Variants in SET observed in about 807,000 individuals in gnomAD.
The protein encoded by SET is protein SET.
In SET, 4 loss-of-function variants were observed where a neutral mutation model predicts 39.0. That is an observed-to-expected ratio of 0.10 (90% CI 0.05 to 0.23). The LOEUF (loss-of-function observed/expected upper bound fraction) is 0.23. Ranked by LOEUF, SET falls within the 10% of genes least tolerant of loss-of-function variation. The pLI is 1.00. For synonymous variants in SET, 114 were observed against 115.9 expected (o/e 0.98, Z 0.11); for missense variants, 137 against 329.7 (o/e 0.42, Z 4.53).
intron 1 of SET, chr9:128,684,038 T>G: frequency 6.7e-7 from 1 of 1,483,850 alleles, no homozygotes; most frequent in Non-Finnish European, 9.2e-7. Flanking sequence ...TTATTGGAGA[T>G]TTAAGGGATT....
At chr9:128,685,613 T>C (rs138121200), upstream of SET, among the ~76,000 whole-genome samples, 86 of 152,318 alleles carry the variant, frequency 5.6e-4, no homozygotes, top group East Asian at 0.014. Context: ...TATGTGTCTG[T>C]GGCGGGGGAG....
upstream of SET, among the ~76,000 whole-genome samples, chr9:128,688,683 G>T (rs1861372571): frequency 6.6e-6 from 1 of 152,202 alleles, no homozygotes; most frequent in African/African-American, 2.4e-5. Flanking sequence ...TAAAACCCAG[G>T]AATGGCCCTG....
chr9:128,689,522 G>A lies in SET; in HGVS notation c.-61G>A. On this transcript the variant is annotated 5_prime_UTR_variant, in exon 1 of 8. Coordinates refer to ENST00000322030, the MANE Select transcript of SET (RefSeq NM_003011.4). The stretch of plus-strand genomic sequence containing the variant: ...TGGCGTGAGGGGAAGCCGCTTGCCC[G>A]CCCCCTTCGCCTTCCCTTCTCTCCC... The A allele has an allele frequency of 9.9e-6, 8 of 809,550 alleles. No homozygotes were observed. The highest frequency in any genetic ancestry group is 5.0e-5 in the South Asian group (2 of 40,168). 50.1% of individuals were successfully genotyped at this position (809,550 alleles called of 1,614,324 possible). A position where few individuals can be genotyped will look rare whatever the true frequency, so the allele number is the denominator to read the frequency against.
At position 128,691,811 on chromosome 9, in the gene SET, A is replaced by T. The variant is rs751320340; in HGVS notation, c.132-47A>T. ...CTCTGTAATCTCAACCAATTTTTTAATTTGTTAAATACTATCATTGTCAAC... is the reference window on the plus strand; with the variant it reads ...CTCTGTAATCTCAACCAATTTTTTATTTTGTTAAATACTATCATTGTCAAC... On this transcript the variant is annotated intron_variant, in intron 2 of 7. Coordinates refer to ENST00000322030, the MANE Select transcript of SET (RefSeq NM_003011.4). The T allele has an allele frequency of 1.9e-5, 29 of 1,551,528 alleles. 1 individual carries two copies. In the Admixed American group the frequency reaches 2.4e-4, roughly 13 times the overall value.
At chr9:128,685,917 C>T (rs1219544666), upstream of SET, among the ~76,000 whole-genome samples, 1 of 152,024 alleles carries the variant, frequency 6.6e-6, no homozygotes, top group Non-Finnish European at 1.5e-5. Flanking sequence ...ATCCCAGCTA[C>T]TTGGGGGGCT....
intron 7 of SET, 70 bp from the exon 8 acceptor site, chr9:128,694,571 C>A: frequency 1.9e-6 from 2 of 1,040,732 alleles, no homozygotes; most frequent in Non-Finnish European, 2.9e-6. Context: ...CTCGTGGGGT[C>A]CATTGTGGTC....
chr9:128,691,293 C>A lies in SET; in HGVS notation c.131+66C>A, dbSNP rs1398183750. On this transcript the variant is annotated intron_variant, in intron 2 of 7. Transcript: ENST00000322030. ...ATGTGTCTAATAGCCCGGTAATTAT[C>A]GAAGCTATGGTCAAATCTATCCACT... The A allele has an allele frequency of 3.0e-6, 3 of 997,850 alleles. No homozygotes were observed. The South Asian group carries it at 4.1e-5, about 14-fold the overall frequency. The allele number at this position is 997,850 out of a possible 1,614,324, so 61.8% of individuals were successfully genotyped here.
chr9:128,694,156 A>G, intron 7 of SET, 114 bp downstream of exon 7: 1 of 965,684 alleles, frequency 1.0e-6, no homozygotes, highest in Non-Finnish European at 1.4e-6. Context: ...GATTGTGGAA[A>G]AAAAGTAAGC....
In SET at chr9:128,695,930, G is replaced by A. The variant is rs942837611; in HGVS notation, c.*1266G>A. ...GGTGCTCTAATGCCAAGTTATACAC[G>A]GGACAGTTGCTGGCATGTCTTCATT... On this transcript the variant is annotated 3_prime_UTR_variant, in exon 8 of 8. Coordinates refer to ENST00000322030, the MANE Select transcript of SET (RefSeq NM_003011.4). 6.6e-5 allele frequency: 15 copies of A among 226,588 alleles called. No individual in the cohort carries two copies. The highest frequency in any genetic ancestry group is 1.7e-4 in the Admixed American group (3 of 17,626). 14.0% of individuals were successfully genotyped at this position (226,588 alleles called of 1,614,324 possible).
chr9:128,689,215 C>A (rs1176086319), upstream of SET: 1 of 990,814 alleles, frequency 1.0e-6, no homozygotes, highest in Non-Finnish European at 1.2e-6. Context: ...CTGCGCCCTG[C>A]GCCCGCCCCT....
chr9:128,690,016 G>A (rs1398314470), intron 1 of SET: 4 of 1,031,028 alleles, frequency 3.9e-6, no homozygotes, highest in South Asian at 3.0e-5. Flanking sequence ...AGCCGCCGCC[G>A]CCGCCACATG....
rs1861600619 is a variant in SET, at chr9:128,692,948, G to A, written c.459G>A (p.Ser153=). The A allele has an allele frequency of 1.2e-6, 2 of 1,602,432 alleles. No homozygotes were observed. The highest frequency in any genetic ancestry group is 1.3e-5 in the African/African-American group (1 of 74,616). The change falls in exon 5 of 8, where the codon TCG becomes TCA. Residue 153 remains serine, a synonymous_variant. Coordinates refer to ENST00000322030, the MANE Select transcript of SET (RefSeq NM_003011.4). Reference sequence around the variant, plus strand: ...TGAATGAGAGTGGTGATCCATCTTCGAAGTCCACCGAAATCAAATGGAAAT... The same window carrying A: ...TGAATGAGAGTGGTGATCCATCTTCAAAGTCCACCGAAATCAAATGGAAAT... ...FHLNESGDPS[S]KSTEIKWKSG... is the part of the protein sequence containing the mutation.
chr9:128,684,489 A>G (rs1326542129), upstream of SET, among the ~76,000 whole-genome samples: 1 of 151,732 alleles, frequency 6.6e-6, no homozygotes, highest in Admixed American at 6.6e-5. Context: ...CCTCCCCTTC[A>G]GCCTGAGCAT....
At chr9:128,683,461 C>T (rs114035912), upstream of SET, 110 of 227,726 alleles carry the variant, frequency 4.8e-4, 1 homozygote, top group African/African-American at 2.3e-3. Flanking sequence ...GGCAACAGCA[C>T]GTGTTTAAAT....
chr9:128,695,684 A>C lies in SET; in HGVS notation c.*1020A>C, dbSNP rs1469980917. On this transcript the variant is annotated 3_prime_UTR_variant, in exon 8 of 8. Transcript: ENST00000322030. ...ACCTCAGGGCTATGTGGATTGAGTA[A>C]TGGGATTTGAATCAATGTATTAATA... The C allele has an allele frequency of 4.4e-6, 1 of 225,862 alleles. No individual in the cohort carries two copies. The highest frequency in any genetic ancestry group is 8.9e-6 in the Non-Finnish European group (1 of 112,564). 14.0% of individuals were successfully genotyped at this position (225,862 alleles called of 1,614,324 possible).
In SET at chr9:128,683,777, C is replaced by A. The variant is rs923720878; in HGVS notation, c.-119C>A. The A allele has an allele frequency of 5.0e-6, 4 of 796,854 alleles. No individual in the cohort carries two copies. The East Asian group carries it at 1.1e-4, about 22-fold the overall frequency. The allele number at this position is 796,854 out of a possible 1,614,324, so 49.4% of individuals were successfully genotyped here. A position where few individuals can be genotyped will look rare whatever the true frequency, so the allele number is the denominator to read the frequency against. ...CCCACTGTCATGTAAATATCCCTTC[C>A]AGGCAGGGCGGCTCCAGTGCAGATT... On this transcript the variant is annotated 5_prime_UTR_variant, in exon 1 of 8. Coordinates refer to the SET transcript ENST00000372692.
chr9:128,694,540 A>G, intron 7 of SET, 101 bp from the exon 8 acceptor site: 1 of 695,096 alleles, frequency 1.4e-6, no homozygotes, highest in Middle Eastern at 2.5e-4. Context: ...AGGTTTAGAA[A>G]CTGGAGTGCC....
At chr9:128,689,745 GCGGGGGGCGCCGGGC>G (rs1861436122) in intron 1 of SET, 90 bp downstream of exon 1, 1 of 182,090 alleles carries the variant, frequency 5.5e-6, no homozygotes, top group South Asian at 1.8e-4. Context: ...CGGGGCGCGC[GCGGGGGGCGCCGGGC>G]GGGGGGGCGC....
intron 4 of SET, 22 bp from the exon 5 acceptor site, chr9:128,692,846 A>G (rs1297899456): frequency 6.6e-7 from 1 of 1,524,642 alleles, no homozygotes. Context: ...CATATTTCTA[A>G]TCTTTCAATT....
Sources: gnomAD v4.1 joint callset for allele counts (sites outside exome capture counted in the v4.1 genomes callset) on GRCh38, gnomAD v4.1.1 for gene constraint, MANE v1.5 for transcripts, NCBI Gene and HGNC (gene_info 2026-07-23, HGNC 2026-07-21) for gene names.